Variants in DHX35 observed in about 807,000 individuals in gnomAD.
DHX35 encodes the protein probable ATP-dependent RNA helicase DHX35.
A neutral mutation model predicts 99.6 loss-of-function variants in DHX35; 84 were observed. The ratio of observed to expected loss-of-function variants is 0.84; its 90% CI spans 0.71 to 1.01. DHX35 has a LOEUF of 1.01. Ranked by LOEUF, DHX35 falls within the 50% of genes least tolerant of loss-of-function variation. The pLI is 0.00. For synonymous variants in DHX35, 331 were observed against 316.2 expected, an observed-to-expected ratio of 1.05 and a Z score of -0.50; for missense variants, 852 against 888.5, an observed-to-expected ratio of 0.96 and a Z score of 0.52.
At chr20:39,035,634 C>T (rs922104463) in intron 21 of DHX35, among the ~76,000 whole-genome samples, 5 of 152,154 alleles carry the variant, frequency 3.3e-5, no homozygotes, top group East Asian at 1.9e-4. Context: ...ACTAGGCTTG[C>T]GTTCCTACGT....
chr20:38,965,188 G>A (rs2085892872), intron 1 of DHX35, among the ~76,000 whole-genome samples: 1 of 152,220 alleles, frequency 6.6e-6, no homozygotes, highest in Admixed American at 6.5e-5. Context: ...TAGTTGACAT[G>A]GGAATAGCTT....
At chr20:39,022,390 C>G (rs2086888012) in intron 16 of DHX35, among the ~76,000 whole-genome samples, 1 of 152,124 alleles carries the variant, frequency 6.6e-6, no homozygotes. Context: ...AACTCCTGAC[C>G]TCAGGTGATC....
intron 4 of DHX35, among the ~76,000 whole-genome samples, chr20:38,984,104 G>T (rs1301794280): frequency 2.0e-5 from 3 of 151,914 alleles, no homozygotes; most frequent in Admixed American, 2.0e-4. Flanking sequence ...TAGAGACGGG[G>T]TTTCACCATG....
chr20:38,991,631 T>C, intron 6 of DHX35, 116 bp downstream of exon 6: 1 of 830,994 alleles, frequency 1.2e-6, no homozygotes, highest in Non-Finnish European at 1.9e-6. Flanking sequence ...CCAAAGCTTT[T>C]CTCTTGACCT....
chr20:38,981,273 G>A (rs1156823072), intron 3 of DHX35, among the ~76,000 whole-genome samples: 1 of 151,960 alleles, frequency 6.6e-6, no homozygotes, highest in African/African-American at 2.4e-5. Flanking sequence ...CCCCTCAGTG[G>A]ATCTTGTCTG....
intron 12 of DHX35, 67 bp downstream of exon 12, chr20:39,006,423 A>G (rs530977045): frequency 2.0e-6 from 3 of 1,537,066 alleles, no homozygotes; most frequent in African/African-American, 1.4e-5. Flanking sequence ...GAGTGTAGCA[A>G]ATGTTTACTC....
chr20:38,991,420 A>G, intron 5 of DHX35, 34 bp from the exon 6 acceptor site: 1 of 1,594,260 alleles, frequency 6.3e-7, no homozygotes, highest in Non-Finnish European at 8.6e-7. Context: ...GTGTAAGTGA[A>G]TTATTTCTAA....
At chr20:39,000,520 T>C (rs1203957515) in intron 8 of DHX35, among the ~76,000 whole-genome samples, 1 of 152,190 alleles carries the variant, frequency 6.6e-6, no homozygotes, top group Non-Finnish European at 1.5e-5. Context: ...AAACATAGTT[T>C]TGTTGACATG....
chr20:39,031,203 T>C (rs1453697395), intron 20 of DHX35, among the ~76,000 whole-genome samples: 1 of 152,122 alleles, frequency 6.6e-6, no homozygotes, highest in Non-Finnish European at 1.5e-5. Flanking sequence ...AAGAGCTTCT[T>C]AAGCAAACAG....
At chr20:39,001,583 G>A in intron 8 of DHX35, 147 bp from the exon 9 acceptor site, 1 of 511,238 alleles carries the variant, frequency 2.0e-6, no homozygotes, top group Admixed American at 3.8e-5. Flanking sequence ...TTTAAAAAAT[G>A]TATTTTGCAA....
intron 19 of DHX35, 54 bp from the exon 20 acceptor site, chr20:39,030,650 T>G: frequency 6.6e-7 from 1 of 1,513,342 alleles, no homozygotes; most frequent in Non-Finnish European, 9.1e-7. Flanking sequence ...TGTGGGAAAG[T>G]CTTGCTATAA....
intron 9 of DHX35, among the ~76,000 whole-genome samples, chr20:39,002,262 G>A (rs1340713710): frequency 6.6e-6 from 1 of 152,202 alleles, no homozygotes; most frequent in Non-Finnish European, 1.5e-5. Flanking sequence ...CAAGGAAGGG[G>A]CCATCCTAAT....
chr20:38,985,660 T>G (rs2086239146), intron 4 of DHX35, among the ~76,000 whole-genome samples: 1 of 152,200 alleles, frequency 6.6e-6, no homozygotes, highest in Non-Finnish European at 1.5e-5. Flanking sequence ...TTAATCTTTT[T>G]TGTCACTAAA....
intron 20 of DHX35, among the ~76,000 whole-genome samples, chr20:39,032,948 C>T (rs544149006): frequency 5.3e-5 from 8 of 152,120 alleles, no homozygotes; most frequent in Non-Finnish European, 8.8e-5. Context: ...TACGCACACT[C>T]GTGTGCAGGA....
At chr20:39,029,989 T>C (rs1054662056) in intron 19 of DHX35, 1 of 152,330 alleles carries the variant, frequency 6.6e-6, no homozygotes, top group African/African-American at 2.4e-5. Context: ...GCTTTTTTTT[T>C]TTTTTTTGAG....
At chr20:39,025,936 G>T (rs2086949883) in intron 18 of DHX35, among the ~76,000 whole-genome samples, 1 of 152,180 alleles carries the variant, frequency 6.6e-6, no homozygotes, top group African/African-American at 2.4e-5. Context: ...TGAGGTGTCG[G>T]TAATGTTATC....
intron 4 of DHX35, among the ~76,000 whole-genome samples, chr20:38,987,351 C>T (rs540856339): frequency 2.6e-5 from 4 of 152,116 alleles, no homozygotes; most frequent in Non-Finnish European, 5.9e-5. Flanking sequence ...AGTGATTCTC[C>T]TGCCTCAGCC....
chr20:38,983,540 C>T (rs1227197184), intron 3 of DHX35, among the ~76,000 whole-genome samples, 159 bp from the exon 4 acceptor site: 3 of 152,166 alleles, frequency 2.0e-5, no homozygotes, highest in African/African-American at 7.2e-5. Context: ...TACCAAGCCT[C>T]AGATCCTCCA....
chr20:39,006,890 T>C (rs928561422), intron 12 of DHX35, among the ~76,000 whole-genome samples: 5 of 152,216 alleles, frequency 3.3e-5, no homozygotes, highest in African/African-American at 1.2e-4. Context: ...CAGAAGGCAA[T>C]TTTAATACTG....
Sources: gnomAD v4.1 joint callset for allele counts (sites outside exome capture counted in the v4.1 genomes callset) on GRCh38, gnomAD v4.1.1 for gene constraint, MANE v1.5 for transcripts, NCBI Gene and HGNC (gene_info 2026-07-23, HGNC 2026-07-21) for gene names.